JAKMIP3: variants seen among roughly 807,000 people sequenced by gnomAD.
JAKMIP3 encodes Janus kinase and microtubule interacting protein 3, also known as janus kinase and microtubule-interacting protein 3.
Under a neutral mutation model 118.5 loss-of-function variants are expected in JAKMIP3, and 58 were observed. The ratio of observed to expected loss-of-function variants is 0.49; its 90% CI spans 0.40 to 0.61. JAKMIP3 has a LOEUF of 0.61. JAKMIP3 is among the 20% of genes least tolerant of loss of function. The pLI, the probability that JAKMIP3 is intolerant of heterozygous loss-of-function variation, is 0.00. For synonymous variants in JAKMIP3, 486 were observed against 451.2 expected (o/e 1.08, Z -0.98); for missense variants, 950 against 1,109.0 (o/e 0.86, Z 2.04).
chr10:132,171,652 C>CCT (rs1451477090), intron 23 of JAKMIP3, among the ~76,000 whole-genome samples: 2 of 135,762 alleles, frequency 1.5e-5, no homozygotes, highest in African/African-American at 5.6e-5. Context: ...TTTTTTCTTT[C>CCT]TTTTTTTTTT....
intron 13 of JAKMIP3, among the ~76,000 whole-genome samples, chr10:132,146,918 C>A (rs4534498): frequency 0.74 from 113,031 of 152,140 alleles, 42,266 homozygotes; most frequent in East Asian, 0.93. Context: ...TTAAGGGCAC[C>A]CACTTGAACA....
At position 132,137,064 on chromosome 10, in the gene JAKMIP3, C is replaced by T. The variant is rs753403677; in HGVS notation, c.1162C>T (p.Leu388Phe). 1.2e-6 allele frequency: 2 copies of T among 1,613,870 alleles called. No homozygotes were observed. The highest frequency in any genetic ancestry group is 1.7e-6 in the Non-Finnish European group (2 of 1,179,808). Residue 388 changes from leucine to phenylalanine, a missense_variant, in exon 7 of 24, where the codon CTT becomes TTT. By Grantham distance (22) the Leu-to-Phe change is conservative. Transcript: ENST00000684848. ...IIRRPSSLND[L>F]DQSQDEREVD... is the part of the protein sequence containing the mutation. ...ACGGAGACCCAGTTCCTTGAATGAC[C>T]TTGATCAAAGTCAGGATGAGAGAGA...
intron 2 of JAKMIP3, among the ~76,000 whole-genome samples, chr10:132,111,201 GAA>G (rs1315508029): frequency 1.3e-5 from 2 of 152,258 alleles, no homozygotes; most frequent in African/African-American, 4.8e-5. Context: ...GCCCCCACAG[GAA>G]ACATGTCCCA....
intron 1 of JAKMIP3, among the ~76,000 whole-genome samples, chr10:132,090,443 G>A (rs1300608641): frequency 1.3e-5 from 2 of 152,156 alleles, no homozygotes; most frequent in Non-Finnish European, 2.9e-5. Flanking sequence ...TCTTGGGAGG[G>A]TGTATGTGTC....
intron 1 of JAKMIP3, among the ~76,000 whole-genome samples, chr10:132,045,369 T>C (rs2037878353): frequency 6.6e-6 from 1 of 152,138 alleles, no homozygotes; most frequent in African/African-American, 2.4e-5. Flanking sequence ...CCCCGGCAGA[T>C]TTTAAGCTCC....
rs1389047093 is a variant in JAKMIP3, at chr10:132,180,748, C to CGT, written c.*1104-1608_*1104-1607insTG. The stretch of plus-strand genomic sequence containing the variant: ...GTGTGTGCGTGTGTGCGTGCGTGCG[C>CGT]GCGCGTGTGTGCGTGTGTGTGCGTG... On this transcript the variant is annotated intron_variant, in intron 23 of 23. Coordinates refer to ENST00000684848, the MANE Select transcript of JAKMIP3 (RefSeq NM_001323087.2). 1.4e-3 allele frequency among the ~76,000 whole-genome samples: 12 copies of CGT among 8,322 alleles called. 5 individuals are homozygous for CGT. The South Asian group carries it at 0.028, about 19-fold the overall frequency. 5.5% of individuals were successfully genotyped at this position (8,322 alleles called of 152,430 possible).
chr10:132,122,724 C>T (rs1432863272), intron 3 of JAKMIP3, among the ~76,000 whole-genome samples: 5 of 152,240 alleles, frequency 3.3e-5, no homozygotes, highest in East Asian at 1.9e-4. Context: ...CAGACAAGCA[C>T]GGTCGCTGCT....
At chr10:132,040,689 C>T (rs551378594) in intron 1 of JAKMIP3, among the ~76,000 whole-genome samples, 104 of 148,638 alleles carry the variant, frequency 7.0e-4, no homozygotes, top group South Asian at 1.3e-3. Context: ...GATAAGAACA[C>T]TTAACATGAA....
intron 3 of JAKMIP3, among the ~76,000 whole-genome samples, chr10:132,131,776 C>T (rs66878485): frequency 0.1 from 15,695 of 151,996 alleles, 1,177 homozygotes; most frequent in East Asian, 0.29. Flanking sequence ...GTCCGGAACC[C>T]GCTGGGAGGG....
intron 1 of JAKMIP3, among the ~76,000 whole-genome samples, chr10:132,100,738 A>G (rs2044733181): frequency 6.6e-6 from 1 of 151,962 alleles, no homozygotes; most frequent in Non-Finnish European, 1.5e-5. Flanking sequence ...CCCCAACATC[A>G]TTTCATTTTA....
rs572939593 is a variant in JAKMIP3 at position 132,139,477 on chromosome 10, AGTGT to A, written c.1345-968_1345-965del. Among the ~76,000 whole-genome samples, 30 of 138,062 alleles carry A rather than the reference AGTGT, an allele frequency of 2.2e-4. 1 individual carries two copies. In the South Asian group the frequency reaches 4.7e-3, roughly 22 times the overall value. 90.6% of individuals were successfully genotyped at this position (138,062 alleles called of 152,430 possible). On this transcript the variant is annotated intron_variant, in intron 9 of 23. Transcript: ENST00000684848. ...ATGTGTCTGCATGTGTGTATGTGTG[AGTGT>A]GTGTGAGAGTATGTGAGTGTGTATG...
chr10:132,075,268 C>T (rs755086005), intron 1 of JAKMIP3, among the ~76,000 whole-genome samples: 11 of 152,062 alleles, frequency 7.2e-5, no homozygotes, highest in Non-Finnish European at 1.5e-4. Flanking sequence ...ATGGATTATA[C>T]TTCTCTTTTA....
chr10:132,152,838 G>C, intron 16 of JAKMIP3, 120 bp from the exon 17 acceptor site: 1 of 717,500 alleles, frequency 1.4e-6, no homozygotes, highest in Non-Finnish European at 2.4e-6. Flanking sequence ...TTTTAGCTCT[G>C]GCCCCCACCC....
intron 10 of JAKMIP3, 35 bp from the exon 11 acceptor site, chr10:132,141,885 G>A: frequency 1.3e-6 from 2 of 1,577,454 alleles, no homozygotes; most frequent in Non-Finnish European, 1.7e-6. Context: ...CTGACACTGT[G>A]TCTCTGTGCG....
chr10:132,088,917 T>C (rs546731346), intron 1 of JAKMIP3, among the ~76,000 whole-genome samples: 11 of 152,356 alleles, frequency 7.2e-5, no homozygotes, highest in African/African-American at 2.4e-4. Context: ...GTTTCAGCTT[T>C]CCACATATGG....
At chr10:132,176,316 T>C (rs941192469) in intron 23 of JAKMIP3, among the ~76,000 whole-genome samples, 5 of 152,010 alleles carry the variant, frequency 3.3e-5, no homozygotes, top group African/African-American at 1.2e-4. Context: ...AGCGGGAGGG[T>C]CCCTGCTGGC....
At chr10:132,148,150 A>ATGAACG (rs1165763837) in intron 14 of JAKMIP3, 100 bp downstream of exon 14, 1 of 695,170 alleles carries the variant, frequency 1.4e-6, no homozygotes, top group Admixed American at 2.9e-5. Flanking sequence ...GAACATGAAC[A>ATGAACG]TGAACATGAA....
chr10:132,100,953 A>T (rs539679000), intron 1 of JAKMIP3, among the ~76,000 whole-genome samples: 58 of 152,176 alleles, frequency 3.8e-4, no homozygotes, highest in African/African-American at 1.3e-3. Flanking sequence ...GGAGATTCAC[A>T]CCATCCCTGC....
chr10:132,145,013 C>A, intron 11 of JAKMIP3, 94 bp from the exon 12 acceptor site: 1 of 1,014,508 alleles, frequency 9.9e-7, no homozygotes, highest in Non-Finnish European at 1.5e-6. Flanking sequence ...TGAACTGAAC[C>A]AAAAGACAGA....
Sources: gnomAD v4.1 joint callset for allele counts (sites outside exome capture counted in the v4.1 genomes callset) on GRCh38, gnomAD v4.1.1 for gene constraint, MANE v1.5 for transcripts, NCBI Gene and HGNC (gene_info 2026-07-23, HGNC 2026-07-21) for gene names.